Variants in CRTAP observed in about 807,000 individuals in gnomAD.
The protein encoded by CRTAP is cartilage-associated protein.
In CRTAP, 33 loss-of-function variants were observed where a neutral mutation model predicts 42.7. The observed-to-expected ratio is 0.77, with a 90% confidence interval of 0.59 to 1.03. The LOEUF (loss-of-function observed/expected upper bound fraction) is 1.03, where lower values mean the gene tolerates loss of function less well. Ranked by LOEUF, CRTAP falls within the 50% of genes least tolerant of loss-of-function variation. The probability of loss-of-function intolerance (pLI) is 0.00; values close to 1 mark genes in which losing one functional copy is unlikely to be tolerated. For missense variants in CRTAP, 613 were observed against 533.9 expected (o/e 1.15, Z -1.46); for synonymous variants, 243 against 217.7 (o/e 1.12, Z -1.02).
In CRTAP at chr3:33,120,208, C is replaced by A. The variant is rs72857451; in HGVS notation, c.472-136C>A. 7.2e-3 allele frequency: 5,762 copies of A among 805,726 alleles called. 219 individuals are homozygous for A. The African/African-American group carries it at 0.083, about 12-fold the overall frequency. 49.9% of individuals were successfully genotyped at this position (805,726 alleles called of 1,614,324 possible). On this transcript the variant is annotated intron_variant, in intron 1 of 6. Transcript: ENST00000320954. ...GTGCCTGGACTTGGTCTTGAGGGGC[C>A]CTGGAAGTCATGGAACCTTTAGCTG...
Position 33,114,251 on chromosome 3 carries a change from G to A in CRTAP, c.174G>A (p.Glu58=), listed in dbSNP as rs772787605. The change falls in exon 1 of 7, where the codon GAG becomes GAA. Residue 58 remains glutamate, a synonymous_variant. Transcript: ENST00000320954. The stretch of plus-strand genomic sequence containing the variant: ...ACGCGCTGGACAAGTACAGCGGCGA[G>A]CACTGGGCCGAGAGCGTGGGCTACC... The part of the protein sequence containing the change: ...YRHALDKYSG[E]HWAESVGYLE... 1.9e-6 allele frequency: 3 copies of A among 1,587,770 alleles called. No homozygotes were observed. The highest frequency in any genetic ancestry group is 2.3e-5 in the South Asian group (2 of 88,414).
intron 1 of CRTAP, among the ~76,000 whole-genome samples, chr3:33,115,803 T>C (rs1701335376): frequency 1.3e-5 from 2 of 152,162 alleles, no homozygotes; most frequent in Non-Finnish European, 2.9e-5. Context: ...ATTGTATTTA[T>C]ATGAGCAATA....
At chr3:33,119,632 G>C (rs187613665) in intron 1 of CRTAP, among the ~76,000 whole-genome samples, 3 of 152,190 alleles carry the variant, frequency 2.0e-5, no homozygotes, top group Non-Finnish European at 4.4e-5. Context: ...GTTAGCAGAA[G>C]GTCTGTGGGG....
At chr3:33,125,598 A>G (rs1217683823) in intron 3 of CRTAP, among the ~76,000 whole-genome samples, 1 of 145,064 alleles carries the variant, frequency 6.9e-6, no homozygotes, top group African/African-American at 2.5e-5. Flanking sequence ...CCATGTACCC[A>G]TGACCCAACT....
intron 5 of CRTAP, among the ~76,000 whole-genome samples, chr3:33,133,238 G>A (rs1240643643): frequency 1.3e-5 from 2 of 148,262 alleles, no homozygotes; most frequent in East Asian, 4.0e-4. Flanking sequence ...AAATTCTCTC[G>A]TAATCCTACA....
Position 33,142,529 on chromosome 3 carries a change from G to GGGAAA in CRTAP, c.*81_*82insGGAAA. 1.5e-6 allele frequency: 2 copies of GGGAAA among 1,342,900 alleles called. No individual in the cohort carries two copies. Among genetic ancestry groups the GGGAAA allele is most frequent in the Non-Finnish European group, 2.1e-6 (2 of 934,414 alleles). The allele number at this position is 1,342,900 out of a possible 1,614,324, so 83.2% of individuals were successfully genotyped here. A position where few individuals can be genotyped will look rare whatever the true frequency, so the allele number is the denominator to read the frequency against. ...CCTTTTCCCAACAGCCCAGGCTGTT[G>GGGAAA]ATACCTCAGAGCCTTCTCTTTACTC... is the stretch of plus-strand genomic sequence containing the variant. On this transcript the variant is annotated 3_prime_UTR_variant, in exon 7 of 7. Coordinates refer to ENST00000320954, the MANE Select transcript of CRTAP (RefSeq NM_006371.5).
chr3:33,131,162 C>T (rs982681278), intron 4 of CRTAP, among the ~76,000 whole-genome samples: 1 of 152,024 alleles, frequency 6.6e-6, no homozygotes, highest in Non-Finnish European at 1.5e-5. Flanking sequence ...GTCGCCCCTT[C>T]ACACTCAGGA....
rs759716355 is a variant in CRTAP at position 33,114,566 on chromosome 3, C to G, written c.471+18C>G. On this transcript the variant is annotated intron_variant, in intron 1 of 6. Transcript: ENST00000320954. ...ACTTCAAGGCAAGTCCGCCTCGCCC[C>G]GTCCCAGGCCCCGGCCCCGCCCCTG... 11 of 1,560,016 alleles carry G rather than the reference C, an allele frequency of 7.1e-6. No homozygotes were observed. The highest frequency in any genetic ancestry group is 4.1e-5 in the African/African-American group (3 of 73,746).
In CRTAP at chr3:33,114,146, C is replaced by G; in HGVS notation, c.69C>G (p.Ala23=). The G allele has an allele frequency of 6.3e-7, 1 of 1,575,846 alleles. No individual in the cohort carries two copies. The highest frequency in any genetic ancestry group is 8.5e-7 in the Non-Finnish European group (1 of 1,170,204). Residue 23 remains alanine, a synonymous_variant, in exon 1 of 7, where the codon GCC becomes GCG. Transcript: ENST00000320954. The part of the protein sequence containing the change: ...ALLCVACALR[A]GRAQYERYSF... ...TGTGCGTGGCCTGCGCGCTGCGCGC[C>G]GGGCGCGCCCAATACGAACGCTACA...
chr3:33,141,576 G>C (rs1041863345), intron 6 of CRTAP, among the ~76,000 whole-genome samples: 1 of 152,238 alleles, frequency 6.6e-6, no homozygotes, highest in African/African-American at 2.4e-5. Flanking sequence ...GGTGAGCTCA[G>C]TGAAGGAGGT....
In CRTAP at chr3:33,114,489, G is replaced by C; in HGVS notation, c.412G>C (p.Val138Leu). The change falls in exon 1 of 7, where the codon GTG becomes CTG. Residue 138 changes from valine to leucine, a missense_variant. By Grantham distance (32) the Val-to-Leu change is conservative (BLOSUM62 1). Transcript: ENST00000320954. ...AFRQSQPSREVLADFQRREPY... is the reference protein window; with the variant it reads ...AFRQSQPSRELLADFQRREPY... The stretch of plus-strand genomic sequence containing the variant: ...CCGCCAGTCCCAGCCCAGCCGCGAG[G>C]TGCTGGCGGACTTCCAGCGCCGCGA... 1 of 1,603,816 alleles carries C rather than the reference G, an allele frequency of 6.2e-7. No individual in the cohort carries two copies. The highest frequency in any genetic ancestry group is 2.2e-5 in the East Asian group (1 of 44,630).
chr3:33,128,642 G>A (rs2030147730), intron 3 of CRTAP, among the ~76,000 whole-genome samples: 1 of 152,176 alleles, frequency 6.6e-6, no homozygotes, highest in Non-Finnish European at 1.5e-5. Context: ...AAGTATGGAG[G>A]CGTGTTTTCA....
intron 4 of CRTAP, among the ~76,000 whole-genome samples, 180 bp from the exon 5 acceptor site, chr3:33,132,375 C>G (rs898616658): frequency 1.3e-5 from 2 of 152,248 alleles, no homozygotes; most frequent in African/African-American, 4.8e-5. Context: ...GCCTGGCCTC[C>G]AGGCTGCCGT....
chr3:33,123,958 A>G (rs982325633), intron 2 of CRTAP, among the ~76,000 whole-genome samples: 1 of 152,208 alleles, frequency 6.6e-6, no homozygotes, highest in Non-Finnish European at 1.5e-5. Context: ...TATATACAAT[A>G]TATTTATCAA....
At chr3:33,134,494 G>A (rs1024192763) in intron 6 of CRTAP, among the ~76,000 whole-genome samples, 4 of 152,140 alleles carry the variant, frequency 2.6e-5, no homozygotes, top group African/African-American at 9.7e-5. Context: ...CGAAACGGGT[G>A]TGGGGCCACA....
chr3:33,133,464 A>AGTC, intron 5 of CRTAP, among the ~76,000 whole-genome samples: 1 of 152,006 alleles, frequency 6.6e-6, no homozygotes, highest in East Asian at 1.9e-4. Context: ...TCGCTGGGCT[A>AGTC]GTCTCGAACT....
rs900374414 is a variant in CRTAP, at chr3:33,114,102, G to T, written c.25G>T (p.Ala9Ser). MEPGRRGA[A>S]ALLALLCVAC... is the part of the protein sequence containing the mutation. Reference sequence around the variant, plus strand: ...GATGGAGCCGGGGCGCCGGGGGGCCGCGGCGCTGCTAGCGCTGCTGTGCGT... The same window carrying T: ...GATGGAGCCGGGGCGCCGGGGGGCCTCGGCGCTGCTAGCGCTGCTGTGCGT... Residue 9 changes from alanine (A) to serine (S), a missense_variant, in exon 1 of 7, where the codon GCG (alanine) becomes TCG (serine). Transcript: ENST00000320954. 6 of 1,472,906 alleles carry T rather than the reference G, an allele frequency of 4.1e-6. No homozygotes were observed. Among genetic ancestry groups the T allele is most frequent in the Non-Finnish European group, 4.5e-6 (5 of 1,120,298 alleles). The allele number at this position is 1,472,906 out of a possible 1,614,324, so 91.2% of individuals were successfully genotyped here.
intron 6 of CRTAP, 51 bp downstream of exon 6, chr3:33,134,316 C>G: frequency 8.5e-7 from 1 of 1,176,836 alleles, no homozygotes. Flanking sequence ...AAATATTACT[C>G]ACATCTTTGC....
intron 3 of CRTAP, among the ~76,000 whole-genome samples, chr3:33,125,815 T>C (rs2030049794): frequency 6.6e-6 from 1 of 152,178 alleles, no homozygotes; most frequent in Non-Finnish European, 1.5e-5. Flanking sequence ...TTCTTTGATC[T>C]CATCATTAAA....
Sources: gnomAD v4.1 joint callset for allele counts (sites outside exome capture counted in the v4.1 genomes callset) on GRCh38, gnomAD v4.1.1 for gene constraint, MANE v1.5 for transcripts, NCBI Gene and HGNC (gene_info 2026-07-23, HGNC 2026-07-21) for gene names.